NXPH1: variants seen among roughly 807,000 people sequenced by gnomAD.
NXPH1 encodes the protein neurexophilin 1.
Under a neutral mutation model 23.7 loss-of-function variants are expected in NXPH1, and 5 were observed. The ratio of observed to expected loss-of-function variants is 0.21; its 90% confidence interval spans 0.11 to 0.44. The LOEUF (loss-of-function observed/expected upper bound fraction) is 0.44. NXPH1 is among the 20% of genes least tolerant of loss of function. The pLI is 0.99. For synonymous variants in NXPH1, 144 were observed against 122.2 expected (o/e 1.18, Z -1.18); for missense variants, 324 against 321.6 (o/e 1.01, Z -0.06).
chr7:8,514,134 A>G (rs1463977077), intron 2 of NXPH1, among the ~76,000 whole-genome samples: 3 of 152,138 alleles, frequency 2.0e-5, no homozygotes, highest in African/African-American at 7.2e-5. Flanking sequence ...CTGTTTCCAA[A>G]TAAAGTTACA....
At chr7:8,543,305 C>T (rs957937196) in intron 2 of NXPH1, among the ~76,000 whole-genome samples, 5 of 151,604 alleles carry the variant, frequency 3.3e-5, no homozygotes, top group Non-Finnish European at 7.4e-5. Flanking sequence ...TCCATGCAAG[C>T]TCCCATCTTA....
chr7:8,454,904 G>A (rs1381166812), intron 2 of NXPH1, among the ~76,000 whole-genome samples: 1 of 152,122 alleles, frequency 6.6e-6, no homozygotes, highest in Non-Finnish European at 1.5e-5. Context: ...TGTGCTCATA[G>A]TAAGTTGTAT....
At chr7:8,680,008 G>A (rs1293211413) in intron 2 of NXPH1, among the ~76,000 whole-genome samples, 3 of 152,244 alleles carry the variant, frequency 2.0e-5, no homozygotes, top group Non-Finnish European at 4.4e-5. Flanking sequence ...GCAACAGAGC[G>A]AGACTACGTC....
At chr7:8,650,810 G>A (rs1820478789) in intron 2 of NXPH1, among the ~76,000 whole-genome samples, 1 of 152,166 alleles carries the variant, frequency 6.6e-6, no homozygotes, top group Non-Finnish European at 1.5e-5. Context: ...CACTAATACA[G>A]ACGTAAGTAG....
chr7:8,599,807 A>AT (rs57462739), intron 2 of NXPH1, among the ~76,000 whole-genome samples: 97,606 of 145,216 alleles, frequency 0.67, 32,969 homozygotes, highest in African/African-American at 0.77. Flanking sequence ...AGATAGGAAG[A>AT]TTTTTTTTTT....
chr7:8,729,819 G>T (rs1040408124), intron 2 of NXPH1, among the ~76,000 whole-genome samples: 4 of 151,968 alleles, frequency 2.6e-5, no homozygotes, highest in African/African-American at 9.7e-5. Context: ...ATATTCTGTT[G>T]ATTTGGGGTG....
intron 2 of NXPH1, among the ~76,000 whole-genome samples, chr7:8,748,690 C>T (rs968594174): frequency 6.6e-6 from 1 of 152,198 alleles, no homozygotes; most frequent in South Asian, 2.1e-4. Flanking sequence ...CTCGAGCTAG[C>T]AGCCTCAAAG....
intron 2 of NXPH1, among the ~76,000 whole-genome samples, chr7:8,677,792 G>A (rs1171387724): frequency 6.6e-6 from 1 of 150,530 alleles, no homozygotes; most frequent in African/African-American, 2.4e-5. Flanking sequence ...ATAAAACAAT[G>A]CATTTTACAG....
chr7:8,739,476 C>T (rs898309461), intron 2 of NXPH1, among the ~76,000 whole-genome samples: 8 of 152,122 alleles, frequency 5.3e-5, no homozygotes, highest in South Asian at 2.1e-4. Flanking sequence ...ATGGGCTGCA[C>T]GCACTGTCTA....
intron 2 of NXPH1, among the ~76,000 whole-genome samples, chr7:8,695,067 C>G (rs567779499): frequency 6.6e-6 from 1 of 152,096 alleles, no homozygotes; most frequent in East Asian, 1.9e-4. Flanking sequence ...TTAAAACAGT[C>G]CTTTTAGGAA....
chr7:8,553,449 A>G (rs1818309221), intron 2 of NXPH1, among the ~76,000 whole-genome samples: 1 of 151,484 alleles, frequency 6.6e-6, no homozygotes, highest in African/African-American at 2.4e-5. Context: ...TCATTAGTAA[A>G]TAAATGCTTG....
At chr7:8,711,697 T>C (rs543442325) in intron 2 of NXPH1, among the ~76,000 whole-genome samples, 81 of 152,068 alleles carry the variant, frequency 5.3e-4, no homozygotes, top group Non-Finnish European at 9.3e-4. Context: ...TACATATGTA[T>C]GTGAGGGGAT....
chr7:8,489,317 G>A (rs540173930), intron 2 of NXPH1, among the ~76,000 whole-genome samples: 1 of 152,184 alleles, frequency 6.6e-6, no homozygotes, highest in South Asian at 2.1e-4. Context: ...AATTTTCATA[G>A]CACCATTGAG....
At chr7:8,506,920 C>G (rs1817536033) in intron 2 of NXPH1, among the ~76,000 whole-genome samples, 1 of 152,040 alleles carries the variant, frequency 6.6e-6, no homozygotes, top group Non-Finnish European at 1.5e-5. Flanking sequence ...GGTTTGGTTC[C>G]AATCCCTGAA....
At chr7:8,638,113 G>T (rs1196256646) in intron 2 of NXPH1, among the ~76,000 whole-genome samples, 1 of 152,200 alleles carries the variant, frequency 6.6e-6, no homozygotes, top group Non-Finnish European at 1.5e-5. Flanking sequence ...CAGAGATGAA[G>T]AACCTGGAGA....
chr7:8,677,261 A>C (rs1820965766), intron 2 of NXPH1, among the ~76,000 whole-genome samples: 1 of 152,232 alleles, frequency 6.6e-6, no homozygotes, highest in Admixed American at 6.5e-5. Flanking sequence ...ACTAAATTAA[A>C]AAATTTCTAA....
At chr7:8,633,165 G>T (rs190116091) in intron 2 of NXPH1, among the ~76,000 whole-genome samples, 10 of 152,324 alleles carry the variant, frequency 6.6e-5, no homozygotes, top group African/African-American at 2.4e-4. Context: ...GGGCATGGTG[G>T]CTCACGCCTG....
intron 2 of NXPH1, among the ~76,000 whole-genome samples, chr7:8,440,102 G>A (rs1461517726): frequency 6.6e-6 from 1 of 152,138 alleles, no homozygotes; most frequent in Admixed American, 6.5e-5. Context: ...GATACATACG[G>A]GATTCAGACT....
chr7:8,624,962 T>C (rs186474491), intron 2 of NXPH1, among the ~76,000 whole-genome samples: 1 of 152,064 alleles, frequency 6.6e-6, no homozygotes, highest in Admixed American at 6.6e-5. Context: ...AAAAGTGGGG[T>C]AGGCTAAGTG....
Sources: allele counts gnomAD v4.1 joint callset (sites outside exome capture counted in the v4.1 genomes callset), GRCh38; gene constraint gnomAD v4.1.1; transcripts MANE v1.5; gene names NCBI Gene and HGNC (gene_info 2026-07-23, HGNC 2026-07-21).